SPTAN1: variants seen among roughly 807,000 people sequenced by gnomAD.
The protein encoded by SPTAN1 is spectrin alpha, non-erythrocytic 1.
Under a neutral mutation model 331.3 loss-of-function variants are expected in SPTAN1, and 61 were observed. The ratio of observed to expected loss-of-function variants is 0.18; its 90% CI spans 0.15 to 0.23. SPTAN1 has a LOEUF of 0.23. Ranked by LOEUF, SPTAN1 falls within the 10% of genes least tolerant of loss-of-function variation. The probability of loss-of-function intolerance (pLI) is 1.00; values close to 1 mark genes in which losing one functional copy is unlikely to be tolerated. For synonymous variants in SPTAN1, 1,153 were observed against 1,173.9 expected, an observed-to-expected ratio of 0.98 and a Z score of 0.36; for missense variants, 2,043 against 3,147.9, an observed-to-expected ratio of 0.65 and a Z score of 8.40.
chr9:128,611,112 A>G (rs1169436517), intron 37 of SPTAN1, among the ~76,000 whole-genome samples: 7 of 152,178 alleles, frequency 4.6e-5, no homozygotes, highest in African/African-American at 1.7e-4. Flanking sequence ...CATCTTCTGG[A>G]AAGTGTTAGG....
chr9:128,555,927 A>G (rs917951552), intron 1 of SPTAN1, among the ~76,000 whole-genome samples: 1 of 152,192 alleles, frequency 6.6e-6, no homozygotes, highest in Non-Finnish European at 1.5e-5. Flanking sequence ...TCATGTTTAA[A>G]AAATAGCTCT....
chr9:128,609,831 G>A (rs1856372474), intron 37 of SPTAN1, among the ~76,000 whole-genome samples, 166 bp downstream of exon 37: 1 of 152,134 alleles, frequency 6.6e-6, no homozygotes, highest in Non-Finnish European at 1.5e-5. Flanking sequence ...GTCCCTGTGG[G>A]ATGTGGCTTT....
chr9:128,602,051 G>A (rs1014960276), intron 27 of SPTAN1, among the ~76,000 whole-genome samples: 16 of 151,980 alleles, frequency 1.1e-4, no homozygotes, highest in African/African-American at 3.4e-4. Context: ...ATTTATTTTA[G>A]GTACCTTTAT....
At position 128,577,791 on chromosome 9, in the gene SPTAN1, A is replaced by G. The variant is rs753626416; in HGVS notation, c.1085+285A>G. ...TAAGTATCTGAGTATCACATGAAATATCTTATTAAAACCAGGATTAGAAAG... is the reference window on the plus strand; with the variant it reads ...TAAGTATCTGAGTATCACATGAAATGTCTTATTAAAACCAGGATTAGAAAG... On this transcript the variant is annotated intron_variant, in intron 8 of 56. Transcript: ENST00000372739. This position sits in a 1 kb window ranked among gnomAD's most constrained non-coding sequence, Gnocchi z 4.2. Among the ~76,000 whole-genome samples the G allele has an allele frequency of 6.6e-6, 1 of 152,240 alleles. No homozygotes were observed. The highest frequency in any genetic ancestry group is 2.4e-5 in the African/African-American group (1 of 41,462).
chr9:128,569,024 C>T (rs2130863661), intron 3 of SPTAN1, 127 bp downstream of exon 3: 1 of 1,345,960 alleles, frequency 7.4e-7, no homozygotes, highest in South Asian at 1.2e-5. Context: ...TTTATGAAGT[C>T]TCCTTAAGAA....
At chr9:128,603,655 T>G in intron 28 of SPTAN1, 65 bp downstream of exon 28, 1 of 1,577,820 alleles carries the variant, frequency 6.3e-7, no homozygotes, top group Non-Finnish European at 8.7e-7. Context: ...CTTCCCTGTC[T>G]ACAGCAGAGC....
intron 24 of SPTAN1, among the ~76,000 whole-genome samples, chr9:128,595,053 G>A (rs1854083909): frequency 6.6e-6 from 1 of 151,136 alleles, no homozygotes; most frequent in African/African-American, 2.4e-5. Context: ...CAGGTGATCC[G>A]CCTGCCTCAG....
chr9:128,618,804 A>T (rs764281706), intron 43 of SPTAN1, 67 bp from the exon 44 acceptor site: 42 of 1,611,320 alleles, frequency 2.6e-5, no homozygotes, highest in Non-Finnish European at 3.5e-5. Context: ...TTTTAAGCAT[A>T]TGTTAACTAT....
chr9:128,609,103 C>A lies in SPTAN1; in HGVS notation c.4596-19C>A. On this transcript the variant is annotated intron_variant, in intron 35 of 56. Coordinates refer to ENST00000372739, the MANE Select transcript of SPTAN1 (RefSeq NM_001130438.3). ...GGTAAGATATGCTCATGTTGGATCT[C>A]ATGGTTTCACTCTTTCAGGTGGCGA... The A allele has an allele frequency of 6.2e-7, 1 of 1,614,214 alleles. No homozygotes were observed. The highest frequency in any genetic ancestry group is 8.5e-7 in the Non-Finnish European group (1 of 1,180,050).
chr9:128,585,823 C>A lies in SPTAN1; in HGVS notation c.2636C>A (p.Ala879Asp). ...NQKWEALKAK[A>D]SQRRQDLEDS... Reference sequence around the variant, plus strand: ...AAGTGGGAGGCACTGAAAGCCAAAGCTTCCCAGCGTCGGCAGGACCTGGAG... The same window carrying A: ...AAGTGGGAGGCACTGAAAGCCAAAGATTCCCAGCGTCGGCAGGACCTGGAG... Residue 879 changes from alanine to aspartate, a missense_variant, in exon 19 of 57, where the codon GCT (alanine) becomes GAT (aspartate). By Grantham distance (126) the Ala-to-Asp change is moderately radical (BLOSUM62 -2). Around this residue, in one of 12 missense-constraint regions of SPTAN1, gnomAD observed 1,038 missense variants for 1,531.5 expected, o/e 0.68. Transcript: ENST00000372739. The A allele has an allele frequency of 6.2e-7, 1 of 1,614,202 alleles. No individual in the cohort carries two copies. Among genetic ancestry groups the A allele is most frequent in the South Asian group, 1.1e-5 (1 of 91,088 alleles).
intron 28 of SPTAN1, 99 bp from the exon 29 acceptor site, chr9:128,604,227 C>T (rs1855533250): frequency 8.5e-7 from 1 of 1,175,736 alleles, no homozygotes; most frequent in Non-Finnish European, 1.3e-6. Flanking sequence ...ATTATATATG[C>T]CCTAGCATCT....
intron 16 of SPTAN1, 124 bp downstream of exon 16, chr9:128,584,093 G>A (rs1374902095): frequency 5.5e-6 from 8 of 1,442,010 alleles, no homozygotes; most frequent in Middle Eastern, 1.8e-4. Flanking sequence ...TTCTTAGATC[G>A]CTCTGTGCTG....
At chr9:128,575,162 G>A (rs370351285) in intron 4 of SPTAN1, 37 bp from the exon 5 acceptor site, 2 of 1,613,768 alleles carry the variant, frequency 1.2e-6, no homozygotes, top group African/African-American at 2.7e-5. Flanking sequence ...AACAAATGTT[G>A]GTTGGTGACT....
At position 128,594,158 on chromosome 9, in the gene SPTAN1, C is replaced by T. The variant is rs376147583; in HGVS notation, c.3216-17C>T. On this transcript the variant is annotated splice_polypyrimidine_tract_variant and intron_variant, in intron 23 of 56. Transcript: ENST00000372739. ...TGCCTTCCTTGTCCCTCTTGTCACCCTCTTGAATTCCATCAGATATCATTC... is the reference window on the plus strand; with the variant it reads ...TGCCTTCCTTGTCCCTCTTGTCACCTTCTTGAATTCCATCAGATATCATTC... 2 of 1,613,886 alleles carry T rather than the reference C, an allele frequency of 1.2e-6. No homozygotes were observed. The highest frequency in any genetic ancestry group is 1.3e-5 in the African/African-American group (1 of 74,926).
chr9:128,608,800 T>C, intron 34 of SPTAN1, 74 bp from the exon 35 acceptor site: 1 of 1,433,846 alleles, frequency 7.0e-7, no homozygotes, highest in Non-Finnish European at 9.8e-7. Flanking sequence ...TAACTATCCT[T>C]TTCTCAAGAC....
At chr9:128,571,840 CA>C (rs773639656) in intron 3 of SPTAN1, among the ~76,000 whole-genome samples, 1 of 152,132 alleles carries the variant, frequency 6.6e-6, no homozygotes, top group East Asian at 1.9e-4. Flanking sequence ...GTCCAGTCAC[CA>C]CTATTTGTTT....
At chr9:128,623,884 G>A (rs1403299828) in intron 45 of SPTAN1, among the ~76,000 whole-genome samples, 2 of 151,418 alleles carry the variant, frequency 1.3e-5, no homozygotes, top group Non-Finnish European at 2.9e-5. Context: ...TCAGGAGTTC[G>A]AGACCAGCCT....
chr9:128,601,427 T>C (rs1855137113), intron 27 of SPTAN1: 1 of 152,104 alleles, frequency 6.6e-6, no homozygotes, highest in African/African-American at 2.4e-5. Flanking sequence ...ATTCTGACTT[T>C]ATAAAAGTAG....
intron 9 of SPTAN1, 123 bp downstream of exon 9, chr9:128,578,368 A>C: frequency 1.5e-6 from 2 of 1,314,736 alleles, no homozygotes; most frequent in Non-Finnish European, 2.1e-6. Context: ...GTTTCTCATC[A>C]TGAGGATTAT....
Sources: gnomAD v4.1 joint callset for allele counts (sites outside exome capture counted in the v4.1 genomes callset) on GRCh38, gnomAD v4.1.1 for gene constraint, gnomAD v4.1.1 regional missense constraint, Gnocchi (gnomAD v3.1) non-coding constraint, MANE v1.5 for transcripts, NCBI Gene and HGNC (gene_info 2026-07-23, HGNC 2026-07-21) for gene names.